Variants in ADAT1 observed in about 807,000 individuals in gnomAD.
ADAT1 encodes tRNA-specific adenosine deaminase 1.
A neutral mutation model predicts 58.6 loss-of-function variants in ADAT1; 58 were observed. That is an observed-to-expected ratio of 0.99 (90% CI 0.80 to 1.23). ADAT1 has a LOEUF of 1.23. Among genes scored for constraint, ADAT1 ranks in the 50% most tolerant of loss-of-function variants. ADAT1 has a pLI of 0.00. For synonymous variants in ADAT1, 254 were observed against 220.8 expected, an observed-to-expected ratio of 1.15 and a Z score of -1.33; for missense variants, 741 against 608.6, an observed-to-expected ratio of 1.22 and a Z score of -2.29.
In ADAT1 at chr16:75,597,538, G is replaced by T. The variant is rs1344130587; in HGVS notation, c.*2678C>A. 7 of 334,706 alleles carry T rather than the reference G, an allele frequency of 2.1e-5. No individual in the cohort carries two copies. Among genetic ancestry groups the T allele is most frequent in the Non-Finnish European group, 3.6e-5 (6 of 165,576 alleles). 20.7% of individuals were successfully genotyped at this position (334,706 alleles called of 1,614,324 possible). A position where few individuals can be genotyped will look rare whatever the true frequency, so the allele number is the denominator to read the frequency against. On this transcript the variant is annotated 3_prime_UTR_variant, in exon 10 of 10. Transcript: ENST00000564657. ...TTTCCACAGATCCGGGGTGGGGATA[G>T]GGGGATAGTTTCGGGATGACTGAAG...
At chr16:75,618,037 G>A (rs778236201) in intron 4 of ADAT1, among the ~76,000 whole-genome samples, 5 of 138,624 alleles carry the variant, frequency 3.6e-5, no homozygotes, top group Non-Finnish European at 6.1e-5. Context: ...GGCCAAGGCT[G>A]CAATGAGCTG....
At position 75,600,287 on chromosome 16, in the gene ADAT1, A is replaced by G; in HGVS notation, c.1438T>C (p.Trp480Arg). 1 of 1,614,136 alleles carries G rather than the reference A, an allele frequency of 6.2e-7. No individual in the cohort carries two copies. Among genetic ancestry groups the G allele is most frequent in the South Asian group, 1.1e-5 (1 of 91,080 alleles). ...KEAASSYQEA[W>R]STLRKQVFGS... ...AACACCTGCTTCCGGAGTGTGCTCC[A>G]GGCTTCCTGGTAAGAGGACGCAGCC... Residue 480 changes from tryptophan to arginine, a missense_variant, in exon 10 of 10, where the codon TGG becomes CGG. Coordinates refer to ENST00000564657, the MANE Select transcript of ADAT1 (RefSeq NM_001324445.2).
chr16:75,605,993 T>C (rs1468345744), intron 8 of ADAT1, among the ~76,000 whole-genome samples: 1 of 149,644 alleles, frequency 6.7e-6, no homozygotes, highest in Non-Finnish European at 1.5e-5. Context: ...CCAGACTAAT[T>C]AGAATTATCA....
intron 5 of ADAT1, among the ~76,000 whole-genome samples, chr16:75,614,064 C>A (rs940538698): frequency 6.6e-6 from 1 of 152,048 alleles, no homozygotes; most frequent in African/African-American, 2.4e-5. Flanking sequence ...GTGGCGCGCA[C>A]CTGTAGTCCC....
chr16:75,608,865 A>T lies in ADAT1; in HGVS notation c.1167T>A (p.Gly389=). The change falls in exon 7 of 10, where the codon GGT becomes GGA. Residue 389 remains glycine (G), a synonymous_variant. Coordinates refer to ENST00000564657, the MANE Select transcript of ADAT1 (RefSeq NM_001324445.2). ...AVQAKRADSP[G]RLVPCGAAIS... The stretch of plus-strand genomic sequence containing the variant: ...TACCTGCCCCACAAGGAACAAGTCG[A>T]CCTGGGCTATCAGCCCTTTTTGCCT... The T allele has an allele frequency of 6.2e-7, 1 of 1,614,034 alleles. No individual in the cohort carries two copies. Among genetic ancestry groups the T allele is most frequent in the Non-Finnish European group, 8.5e-7 (1 of 1,179,978 alleles).
chr16:75,613,829 A>T (rs1048927917), intron 5 of ADAT1, among the ~76,000 whole-genome samples: 5 of 152,216 alleles, frequency 3.3e-5, no homozygotes, highest in African/African-American at 1.2e-4. Context: ...AAGGTTTCCC[A>T]AGTGCATTTT....
chr16:75,612,996 C>T (rs1268414415), intron 5 of ADAT1, 135 bp from the exon 6 acceptor site: 10 of 1,090,890 alleles, frequency 9.2e-6, no homozygotes, highest in South Asian at 5.1e-5. Flanking sequence ...TCAGAAACTC[C>T]GGAGGCAGAG....
In ADAT1 at chr16:75,599,482, G is replaced by A. The variant is rs970204706; in HGVS notation, c.*734C>T. 2.0e-6 allele frequency: 2 copies of A among 985,626 alleles called. No homozygotes were observed. Among genetic ancestry groups the A allele is most frequent in the African/African-American group, 1.7e-5 (1 of 57,182 alleles). 61.1% of individuals were successfully genotyped at this position (985,626 alleles called of 1,614,324 possible). A position where few individuals can be genotyped will look rare whatever the true frequency, so the allele number is the denominator to read the frequency against. ...CAACAGGAATCTGTCTCACATAATT[G>A]AGACATCTAAACAGTGTTACTAGAT... On this transcript the variant is annotated 3_prime_UTR_variant, in exon 10 of 10. Transcript: ENST00000564657.
chr16:75,620,726 G>T lies in ADAT1; in HGVS notation c.74C>A (p.Pro25His). The T allele has an allele frequency of 6.2e-7, 1 of 1,614,142 alleles. No individual in the cohort carries two copies. Among genetic ancestry groups the T allele is most frequent in the Non-Finnish European group, 8.5e-7 (1 of 1,180,026 alleles). ...YGIRLPKKGK[P>H]EPNHEWTLLA... ...TAATGTCCACTCATGGTTTGGCTCAGGCTTCCCCTTCTTGGGCAGCCTGAT... is the reference window on the plus strand; with the variant it reads ...TAATGTCCACTCATGGTTTGGCTCATGCTTCCCCTTCTTGGGCAGCCTGAT... Residue 25 changes from proline to histidine, a missense_variant, in exon 2 of 10, where the codon CCT becomes CAT. Physicochemically the swap from Pro to His is moderately conservative, Grantham distance 77. Coordinates refer to ENST00000564657, the MANE Select transcript of ADAT1 (RefSeq NM_001324445.2).
chr16:75,604,395 T>C (rs1247501377), intron 8 of ADAT1, among the ~76,000 whole-genome samples: 1 of 125,404 alleles, frequency 8.0e-6, no homozygotes, highest in Non-Finnish European at 1.6e-5. Context: ...ACTGTCCCAG[T>C]GCCCTCCAGC....
At position 75,618,798 on chromosome 16, in the gene ADAT1, C is replaced by T. The variant is rs1027322197; in HGVS notation, c.239-158G>A. 6.1e-6 allele frequency: 5 copies of T among 813,460 alleles called. No homozygotes were observed. In the African/African-American group the frequency reaches 8.7e-5, roughly 14 times the overall value. 50.4% of individuals were successfully genotyped at this position (813,460 alleles called of 1,614,324 possible). On this transcript the variant is annotated intron_variant, in intron 3 of 9. Coordinates refer to ENST00000564657, the MANE Select transcript of ADAT1 (RefSeq NM_001324445.2). ...ACCACAATCATGAATAACAATGCAT[C>T]AGGTGCAGGGTTTCTCAACCCAGCA...
intron 9 of ADAT1, 26 bp downstream of exon 9, chr16:75,603,059 G>C: frequency 6.2e-7 from 1 of 1,600,080 alleles, no homozygotes; most frequent in Non-Finnish European, 8.6e-7. Context: ...ACCTAAATAT[G>C]AGAAAACATA....
chr16:75,616,942 T>G (rs2081748035), intron 5 of ADAT1, among the ~76,000 whole-genome samples, 200 bp downstream of exon 5: 1 of 152,236 alleles, frequency 6.6e-6, no homozygotes, highest in Admixed American at 6.5e-5. Context: ...TGCCTCTGTC[T>G]TCTCTTTAGA....
chr16:75,613,145 T>C (rs1184599358), intron 5 of ADAT1, among the ~76,000 whole-genome samples: 2 of 152,164 alleles, frequency 1.3e-5, no homozygotes, highest in Admixed American at 6.5e-5. Context: ...ATAAGAATCC[T>C]CTAGGGCTCT....
At chr16:75,621,592 A>C (rs978953689) in intron 1 of ADAT1, among the ~76,000 whole-genome samples, 3 of 152,230 alleles carry the variant, frequency 2.0e-5, no homozygotes, top group Non-Finnish European at 2.9e-5. Context: ...AGCAATTGCT[A>C]CTATGTTGAG....
chr16:75,606,153 A>G (rs935743053), intron 8 of ADAT1, among the ~76,000 whole-genome samples: 1 of 151,998 alleles, frequency 6.6e-6, no homozygotes, highest in Admixed American at 6.6e-5. Flanking sequence ...TAGGAGTACA[A>G]TTATTATTCT....
intron 6 of ADAT1, among the ~76,000 whole-genome samples, chr16:75,609,938 A>C (rs185497562): frequency 6.6e-6 from 1 of 152,288 alleles, no homozygotes; most frequent in Admixed American, 6.5e-5. Context: ...TCCTTGGCTC[A>C]AGCGATCCTC....
At chr16:75,600,492 T>C in intron 9 of ADAT1, 144 bp from the exon 10 acceptor site, 1 of 1,351,048 alleles carries the variant, frequency 7.4e-7, no homozygotes, top group Non-Finnish European at 9.9e-7. Flanking sequence ...TGAAAGTTGA[T>C]CATACAAACT....
At chr16:75,604,477 A>ACACACACACC (rs2081317690) in intron 8 of ADAT1, among the ~76,000 whole-genome samples, 1 of 61,014 alleles carries the variant, frequency 1.6e-5, no homozygotes. Flanking sequence ...ATATATATAC[A>ACACACACACC]CACACACACA....
Sources: gnomAD v4.1 joint callset for allele counts (sites outside exome capture counted in the v4.1 genomes callset) on GRCh38, gnomAD v4.1.1 for gene constraint, MANE v1.5 for transcripts, NCBI Gene and HGNC (gene_info 2026-07-23, HGNC 2026-07-21) for gene names.